CTNNA2: variants seen among roughly 807,000 people sequenced by gnomAD.
CTNNA2 encodes the protein catenin alpha 2, also known as catenin alpha-2.
CTNNA2 carries 42 observed loss-of-function variants against 101.0 expected under a neutral mutation model. That is an observed-to-expected ratio of 0.42 (90% CI 0.32 to 0.54). The LOEUF is 0.54. Ranked by LOEUF, CTNNA2 falls within the 20% of genes least tolerant of loss-of-function variation. CTNNA2 has a pLI of 0.14. For missense variants in CTNNA2, 871 were observed against 1,223.1 expected (o/e 0.71, Z 4.29); for synonymous variants, 450 against 456.4 (o/e 0.99, Z 0.18).
At chr2:80,489,548 T>A (rs184248489) in intron 9 of CTNNA2, among the ~76,000 whole-genome samples, 49 of 152,236 alleles carry the variant, frequency 3.2e-4, no homozygotes, top group Admixed American at 1.4e-3. Flanking sequence ...TTGTTAAGAG[T>A]CCATGTTATA....
rs548790951 is a variant in CTNNA2 at position 80,306,610 on chromosome 2, C to T, written c.1057-86601C>T. On this transcript the variant is annotated intron_variant, in intron 7 of 18. Coordinates refer to ENST00000402739, the MANE Select transcript of CTNNA2 (RefSeq NM_001282597.3). ...TTTAACAGACAGACAAACAAATTCA[C>T]CATCAAGTGGTTTCACCTCTTGCCA... is the stretch of plus-strand genomic sequence containing the variant. Among the ~76,000 whole-genome samples, 15 of 152,104 alleles carry T rather than the reference C, an allele frequency of 9.9e-5. No individual in the cohort carries two copies. In the South Asian group the frequency reaches 3.1e-3, roughly 32 times the overall value.
chr2:79,895,325 T>C (rs1169758937), intron 6 of CTNNA2, among the ~76,000 whole-genome samples: 1 of 152,228 alleles, frequency 6.6e-6, no homozygotes, highest in Non-Finnish European at 1.5e-5. Context: ...TAGATGAGTT[T>C]ATGCTCAAGG....
intron 1 of CTNNA2, among the ~76,000 whole-genome samples, chr2:79,622,381 G>A (rs888513935): frequency 6.6e-6 from 1 of 152,130 alleles, no homozygotes; most frequent in African/African-American, 2.4e-5. Context: ...ACAGTGAACA[G>A]ATAAGGAACT....
intron 6 of CTNNA2, among the ~76,000 whole-genome samples, chr2:79,883,394 A>G (rs1485544955): frequency 6.6e-6 from 1 of 152,202 alleles, no homozygotes; most frequent in Non-Finnish European, 1.5e-5. Flanking sequence ...GTGATTTATG[A>G]AGCAAAAGAA....
chr2:80,276,552 G>T (rs1459188781), intron 7 of CTNNA2, among the ~76,000 whole-genome samples: 1 of 152,162 alleles, frequency 6.6e-6, no homozygotes, highest in Non-Finnish European at 1.5e-5. Context: ...GCCAGCACCT[G>T]CTTCTGATGA....
chr2:79,729,169 G>A (rs942352401), intron 2 of CTNNA2, among the ~76,000 whole-genome samples: 7 of 152,096 alleles, frequency 4.6e-5, no homozygotes, highest in Non-Finnish European at 7.4e-5. Flanking sequence ...TTTATACAGC[G>A]AATAAGTGGC....
intron 7 of CTNNA2, among the ~76,000 whole-genome samples, chr2:79,964,102 T>C (rs1406375712): frequency 6.6e-6 from 1 of 152,196 alleles, no homozygotes; most frequent in Non-Finnish European, 1.5e-5. Flanking sequence ...TGTCCTAGAA[T>C]ACCTGCATGG....
At chr2:80,257,770 CA>C (rs148556186) in intron 7 of CTNNA2, among the ~76,000 whole-genome samples, 3,060 of 152,304 alleles carry the variant, frequency 0.02, 112 homozygotes, top group African/African-American at 0.069. Context: ...CAGGAATAAG[CA>C]ATAATTGAAC....
intron 7 of CTNNA2, among the ~76,000 whole-genome samples, chr2:80,145,699 C>A (rs1046584583): frequency 6.6e-6 from 1 of 152,210 alleles, no homozygotes; most frequent in Non-Finnish European, 1.5e-5. Flanking sequence ...GTTTTCCTAG[C>A]AGATCAAAGT....
At chr2:79,857,658 G>T (rs1681244804) in intron 3 of CTNNA2, among the ~76,000 whole-genome samples, 1 of 152,166 alleles carries the variant, frequency 6.6e-6, no homozygotes, top group African/African-American at 2.4e-5. Context: ...GAGTTGCATG[G>T]TAAGTTGCCT....
At chr2:79,610,503 C>T (rs979373727) in intron 1 of CTNNA2, among the ~76,000 whole-genome samples, 16 of 152,060 alleles carry the variant, frequency 1.1e-4, no homozygotes, top group African/African-American at 3.6e-4. Context: ...TAATGCATGT[C>T]ACAAATGCTA....
At chr2:79,759,581 A>C (rs950842786) in intron 3 of CTNNA2, among the ~76,000 whole-genome samples, 1 of 152,076 alleles carries the variant, frequency 6.6e-6, no homozygotes, top group Non-Finnish European at 1.5e-5. Flanking sequence ...CATCACATAA[A>C]GTTGAGCTCC....
intron 7 of CTNNA2, among the ~76,000 whole-genome samples, chr2:80,392,286 C>T (rs992985023): frequency 6.6e-5 from 10 of 152,118 alleles, no homozygotes; most frequent in African/African-American, 1.9e-4. Flanking sequence ...ATTGACTTGC[C>T]ACTAGCACCA....
intron 4 of CTNNA2, among the ~76,000 whole-genome samples, chr2:79,859,727 A>C (rs1445106187): frequency 6.6e-6 from 1 of 151,942 alleles, no homozygotes; most frequent in Middle Eastern, 3.2e-3. Flanking sequence ...ATTTGAGGAG[A>C]GTCTTTACCT....
chr2:79,809,336 C>G (rs1043527101), intron 3 of CTNNA2, among the ~76,000 whole-genome samples: 2 of 152,174 alleles, frequency 1.3e-5, no homozygotes, highest in East Asian at 3.9e-4. Context: ...AATGATATTT[C>G]TGGTTCTAGA....
chr2:79,943,427 C>T (rs1026796334), intron 7 of CTNNA2, among the ~76,000 whole-genome samples: 1 of 152,132 alleles, frequency 6.6e-6, no homozygotes, highest in African/African-American at 2.4e-5. Context: ...CAGAGACAAA[C>T]ATGGTCCTGG....
At chr2:79,368,357 T>C (rs1403142893) in intron 3 of CTNNA2, among the ~76,000 whole-genome samples, 9 of 152,194 alleles carry the variant, frequency 5.9e-5, no homozygotes. Flanking sequence ...TTTCTTACTC[T>C]TCTGGGCTAA....
intron 16 of CTNNA2, among the ~76,000 whole-genome samples, chr2:80,607,804 A>C (rs1033685170): frequency 6.6e-6 from 1 of 151,874 alleles, no homozygotes; most frequent in African/African-American, 2.4e-5. Flanking sequence ...ACACAAAGTG[A>C]TTTACTTTTA....
chr2:79,215,059 G>A (rs568970639), intron 2 of CTNNA2, among the ~76,000 whole-genome samples: 3 of 152,280 alleles, frequency 2.0e-5, no homozygotes, highest in South Asian at 4.1e-4. Flanking sequence ...CTTCTGAGGC[G>A]ATCGGGCAGC....
Sources: gnomAD v4.1 joint callset for allele counts (sites outside exome capture counted in the v4.1 genomes callset) on GRCh38, gnomAD v4.1.1 for gene constraint, MANE v1.5 for transcripts, NCBI Gene and HGNC (gene_info 2026-07-23, HGNC 2026-07-21) for gene names.